Variants in CNR2 observed in about 807,000 individuals in gnomAD.
The protein encoded by CNR2 is cannabinoid receptor 2 (macrophage).
For missense variants in CNR2, 379 were observed against 439.9 expected (o/e 0.86, Z 1.24); for synonymous variants, 172 against 182.2 (o/e 0.94, Z 0.45).
At chr1:23,902,778 G>A (rs970057157) in intron 1 of CNR2, 26 of 1,471,824 alleles carry the variant, frequency 1.8e-5, no homozygotes, top group Non-Finnish European at 2.2e-5. Context: ...TTGTTGCCAA[G>A]TGTGGGCTGC....
At chr1:23,910,254 C>A (rs145821557) in intron 1 of CNR2, among the ~76,000 whole-genome samples, 102 of 150,854 alleles carry the variant, frequency 6.8e-4, no homozygotes, top group African/African-American at 2.4e-3. Context: ...AGCCACCATG[C>A]CCGGCCCCTT....
Position 23,875,542 on chromosome 1 carries a change from T to G in CNR2, c.76A>C (p.Met26Leu), listed in dbSNP as rs1223341048. 3 of 1,614,098 alleles carry G rather than the reference T, an allele frequency of 1.9e-6. No individual in the cohort carries two copies. In the East Asian group the frequency reaches 6.7e-5, roughly 36 times the overall value. ...GLDSNPMKDY[M>L]ILSGPQKTAV... ...GTCTTCTGGGGACCACTCAGGATCA[T>G]GTAATCCTTCATAGGGTTGGAATCC... The change falls in exon 2 of 2, where the codon ATG becomes CTG. Residue 26 changes from methionine to leucine, a missense_variant. By Grantham distance (15) the Met-to-Leu change is conservative. Coordinates refer to ENST00000374472, the MANE Select transcript of CNR2 (RefSeq NM_001841.3).
rs909781655 is a variant in CNR2, at chr1:23,874,300, G to T, written c.*235C>A. 4.0e-6 allele frequency: 2 copies of T among 498,584 alleles called. No individual in the cohort carries two copies. The highest frequency in any genetic ancestry group is 7.3e-6 in the Non-Finnish European group (2 of 275,540). 30.9% of individuals were successfully genotyped at this position (498,584 alleles called of 1,614,324 possible). A position where few individuals can be genotyped will look rare whatever the true frequency, so the allele number is the denominator to read the frequency against. Reference sequence around the variant, plus strand: ...GTACTGACCCTGTCCCAGGCCTTTTGTGTCTCGCCTACCTGGCTACTCCTC... The same window carrying T: ...GTACTGACCCTGTCCCAGGCCTTTTTTGTCTCGCCTACCTGGCTACTCCTC... On this transcript the variant is annotated 3_prime_UTR_variant, in exon 2 of 2. Transcript: ENST00000374472.
Position 23,878,725 on chromosome 1 carries a change from T to C in CNR2, c.-45-3063A>G, listed in dbSNP as rs911124124. On this transcript the variant is annotated intron_variant, in intron 1 of 1. Transcript: ENST00000374472. ...ACATTCCATGTTCATGTATATCATA[T>C]AGCATACATATCAGAATACCAAAGA... Among the ~76,000 whole-genome samples, 7 of 152,172 alleles carry C rather than the reference T, an allele frequency of 4.6e-5. No homozygotes were observed. The East Asian group carries it at 1.3e-3, about 29-fold the overall frequency.
chr1:23,908,416 C>T (rs564182340), intron 1 of CNR2, among the ~76,000 whole-genome samples: 84 of 152,214 alleles, frequency 5.5e-4, no homozygotes, highest in African/African-American at 1.9e-3. Context: ...GCTATACCTG[C>T]CAGATTTGAT....
At chr1:23,905,203 T>C (rs74548286) in intron 1 of CNR2, among the ~76,000 whole-genome samples, 1 of 151,296 alleles carries the variant, frequency 6.6e-6, no homozygotes, top group Admixed American at 6.6e-5. Context: ...TTTTTTTTTT[T>C]GAGATGAGTC....
chr1:23,902,778 G>C lies in CNR2; in HGVS notation c.-46+10468C>G, dbSNP rs970057157. The C allele has an allele frequency of 4.8e-6, 7 of 1,471,824 alleles. No individual in the cohort carries two copies. In the African/African-American group the frequency reaches 9.9e-5, roughly 21 times the overall value. The allele number at this position is 1,471,824 out of a possible 1,614,324, so 91.2% of individuals were successfully genotyped here. ...GGGCTCTCCGGGTGGTTGTTGCCAA[G>C]TGTGGGCTGCGCGGGCGCGGGCGCG... is the stretch of plus-strand genomic sequence containing the variant. On this transcript the variant is annotated intron_variant, in intron 1 of 1. Coordinates refer to ENST00000374472, the MANE Select transcript of CNR2 (RefSeq NM_001841.3).
intron 1 of CNR2, chr1:23,901,643 A>C: frequency 1.3e-6 from 2 of 1,528,254 alleles, no homozygotes; most frequent in South Asian, 2.2e-5. Context: ...GGCCATGTAG[A>C]AGGTGTCTTG....
At chr1:23,907,453 CA>C in intron 1 of CNR2, among the ~76,000 whole-genome samples, 1 of 149,646 alleles carries the variant, frequency 6.7e-6, no homozygotes, top group Non-Finnish European at 1.5e-5. Context: ...AATCTTGAAG[CA>C]AATCTGCAGA....
intron 1 of CNR2, among the ~76,000 whole-genome samples, chr1:23,904,474 A>G (rs1249645632): frequency 6.6e-6 from 1 of 152,092 alleles, no homozygotes; most frequent in Non-Finnish European, 1.5e-5. Context: ...GCACCTAGCT[A>G]ATCTTCATTT....
chr1:23,879,616 C>T (rs1399668472), intron 1 of CNR2, among the ~76,000 whole-genome samples: 4 of 151,146 alleles, frequency 2.6e-5, no homozygotes, highest in South Asian at 4.2e-4. Flanking sequence ...TTGTTTCAAA[C>T]AAAAACAAAA....
At chr1:23,902,412 CA>C in intron 1 of CNR2, 1 of 1,588,236 alleles carries the variant, frequency 6.3e-7, no homozygotes, top group African/African-American at 1.3e-5. Flanking sequence ...AAAGTTGACG[CA>C]GGCTTTTGCC....
At chr1:23,887,462 T>C (rs1640111103) in intron 1 of CNR2, among the ~76,000 whole-genome samples, 1 of 152,164 alleles carries the variant, frequency 6.6e-6, no homozygotes, top group South Asian at 2.1e-4. Flanking sequence ...TCAGGTCTCA[T>C]CTAGGCCTGG....
At chr1:23,875,771 G>A (rs1413015188) in intron 1 of CNR2, 109 bp from the exon 2 acceptor site, 11 of 888,548 alleles carry the variant, frequency 1.2e-5, no homozygotes, top group Non-Finnish European at 1.8e-5. Flanking sequence ...TGGATTCTAT[G>A]TGGGAAAATC....
chr1:23,874,452 A>C lies in CNR2; in HGVS notation c.*83T>G. 6.9e-7 allele frequency: 1 copy of C among 1,441,210 alleles called. No individual in the cohort carries two copies. Among genetic ancestry groups the C allele is most frequent in the Non-Finnish European group, 9.4e-7 (1 of 1,065,790 alleles). The allele number at this position is 1,441,210 out of a possible 1,614,324, so 89.3% of individuals were successfully genotyped here. On this transcript the variant is annotated 3_prime_UTR_variant, in exon 2 of 2. Coordinates refer to ENST00000374472, the MANE Select transcript of CNR2 (RefSeq NM_001841.3). ...GGTGTCTGGGACTGGTTTAAGTAAG[A>C]AGAGAGTGCCAAGACCCCTCTCTCT...
chr1:23,893,408 G>A (rs889341054), intron 1 of CNR2, among the ~76,000 whole-genome samples: 2 of 152,232 alleles, frequency 1.3e-5, no homozygotes, highest in Non-Finnish European at 2.9e-5. Context: ...TGACCTTGGG[G>A]AAAGTTACTC....
chr1:23,882,481 G>A (rs1379729991), intron 1 of CNR2, among the ~76,000 whole-genome samples: 1 of 152,142 alleles, frequency 6.6e-6, no homozygotes, highest in Non-Finnish European at 1.5e-5. Flanking sequence ...AGATTCATCT[G>A]AGTCGTATGC....
At chr1:23,910,568 C>T (rs576325786) in intron 1 of CNR2, among the ~76,000 whole-genome samples, 20 of 141,884 alleles carry the variant, frequency 1.4e-4, no homozygotes, top group Non-Finnish European at 2.9e-4. Flanking sequence ...GCAGGAGAAT[C>T]GCTTGAACCC....
At chr1:23,892,572 C>A (rs1447431844) in intron 1 of CNR2, among the ~76,000 whole-genome samples, 1 of 152,170 alleles carries the variant, frequency 6.6e-6, no homozygotes, top group Admixed American at 6.6e-5. Context: ...TGCCAGCAAG[C>A]CCAGAGCTCA....
Sources: gnomAD v4.1 joint callset for allele counts (sites outside exome capture counted in the v4.1 genomes callset) on GRCh38, gnomAD v4.1.1 for gene constraint, MANE v1.5 for transcripts, NCBI Gene and HGNC (gene_info 2026-07-23, HGNC 2026-07-21) for gene names.